Variants in L3MBTL4 observed in about 807,000 individuals in gnomAD.
L3MBTL4 encodes the protein L3MBTL histone methyl-lysine binding protein 4.
Under a neutral mutation model 84.5 loss-of-function variants are expected in L3MBTL4, and 70 were observed. The ratio of observed to expected loss-of-function variants is 0.83; its 90% CI spans 0.68 to 1.01. The LOEUF is 1.01. L3MBTL4 is among the 50% of genes least tolerant of loss of function. The pLI is 0.00. For missense variants in L3MBTL4, 715 were observed against 754.8 expected (o/e 0.95, Z 0.62); for synonymous variants, 274 against 259.8 (o/e 1.05, Z -0.52).
chr18:6,261,862 A>C (rs1033116500), intron 5 of L3MBTL4, among the ~76,000 whole-genome samples: 2 of 152,210 alleles, frequency 1.3e-5, no homozygotes, highest in African/African-American at 4.8e-5. Flanking sequence ...GGAGCTGGAC[A>C]GGGAATCTAG....
At chr18:6,106,718 A>G (rs2059021115) in intron 14 of L3MBTL4, among the ~76,000 whole-genome samples, 1 of 152,220 alleles carries the variant, frequency 6.6e-6, no homozygotes, top group East Asian at 1.9e-4. Flanking sequence ...ACACATACTA[A>G]AGCTGCACCT....
chr18:6,001,387 C>A (rs557116674), intron 16 of L3MBTL4, among the ~76,000 whole-genome samples: 145 of 152,278 alleles, frequency 9.5e-4, no homozygotes, highest in Non-Finnish European at 1.6e-3. Context: ...GCAGTGGGCT[C>A]AGAAATGACC....
intron 4 of L3MBTL4, among the ~76,000 whole-genome samples, chr18:6,267,957 T>G (rs1308059571): frequency 6.6e-6 from 1 of 152,218 alleles, no homozygotes; most frequent in Non-Finnish European, 1.5e-5. Context: ...CCTCTGTTTC[T>G]CACCATGTTG....
At chr18:5,988,104 C>T (rs476015) in intron 16 of L3MBTL4, among the ~76,000 whole-genome samples, 2,558 of 152,254 alleles carry the variant, frequency 0.017, 69 homozygotes, top group African/African-American at 0.058. Context: ...GAAAGAGCTG[C>T]CAGAGATGGC....
chr18:6,060,945 A>G (rs966407600), intron 16 of L3MBTL4, among the ~76,000 whole-genome samples: 3 of 152,140 alleles, frequency 2.0e-5, no homozygotes, highest in Non-Finnish European at 4.4e-5. Context: ...TTTGACAATT[A>G]TAAATAAAGC....
At chr18:6,330,033 G>T (rs2051945288) in intron 1 of L3MBTL4, among the ~76,000 whole-genome samples, 2 of 152,192 alleles carry the variant, frequency 1.3e-5, no homozygotes, top group African/African-American at 4.8e-5. Flanking sequence ...TTGTAGTAGA[G>T]TGTGTAAAAC....
chr18:6,341,141 A>C (rs1262438604), intron 1 of L3MBTL4, among the ~76,000 whole-genome samples: 1 of 152,130 alleles, frequency 6.6e-6, no homozygotes, highest in Non-Finnish European at 1.5e-5. Context: ...TCTCTCTTGA[A>C]GCCAGTCAGT....
At chr18:6,092,272 A>G (rs1187563321) in intron 15 of L3MBTL4, among the ~76,000 whole-genome samples, 2 of 152,228 alleles carry the variant, frequency 1.3e-5, no homozygotes, top group East Asian at 3.8e-4. Context: ...AAAAATCCAC[A>G]GTCCAGGATG....
At chr18:6,082,164 A>G (rs767199928) in intron 15 of L3MBTL4, among the ~76,000 whole-genome samples, 2 of 152,160 alleles carry the variant, frequency 1.3e-5, no homozygotes, top group Non-Finnish European at 2.9e-5. Context: ...GGTTGTTCAG[A>G]GCAACTAGTG....
chr18:6,046,904 A>C (rs910433931), intron 16 of L3MBTL4: 11 of 528,208 alleles, frequency 2.1e-5, no homozygotes, highest in Admixed American at 6.7e-5. Context: ...GACTAAAATC[A>C]GAGCAGAACT....
chr18:5,960,170 T>C lies in L3MBTL4; in HGVS notation c.1615-14A>G. On this transcript the variant is annotated splice_polypyrimidine_tract_variant and intron_variant, in intron 17 of 18. Transcript: ENST00000317931. ...AAACTCAGCCACCTACAGTGCGAGA[T>C]GAAAAGCCTAATTTAATACATGCAC... is the stretch of plus-strand genomic sequence containing the variant. 1 of 1,558,702 alleles carries C rather than the reference T, an allele frequency of 6.4e-7. No individual in the cohort carries two copies. The highest frequency in any genetic ancestry group is 8.8e-7 in the Non-Finnish European group (1 of 1,142,466).
intron 1 of L3MBTL4, among the ~76,000 whole-genome samples, chr18:6,355,721 T>G (rs538743604): frequency 6.6e-6 from 1 of 152,268 alleles, no homozygotes; most frequent in South Asian, 2.1e-4. Context: ...TAAGTCAACC[T>G]CCTGCAATAT....
At chr18:6,246,112 CT>C (rs960849195) in intron 5 of L3MBTL4, among the ~76,000 whole-genome samples, 24 of 152,226 alleles carry the variant, frequency 1.6e-4, no homozygotes, top group African/African-American at 5.5e-4. Context: ...TTTCTGACCC[CT>C]CTCTTATGTT....
At chr18:5,960,039 C>A in intron 18 of L3MBTL4, 55 bp downstream of exon 18, 1 of 302,092 alleles carries the variant, frequency 3.3e-6, no homozygotes, top group Non-Finnish European at 5.5e-6. Context: ...TATATATATA[C>A]ACACACATAT....
At chr18:5,995,455 A>G (rs1054948443) in intron 16 of L3MBTL4, among the ~76,000 whole-genome samples, 1 of 152,206 alleles carries the variant, frequency 6.6e-6, no homozygotes, top group African/African-American at 2.4e-5. Flanking sequence ...CTGATTTATG[A>G]CAATTTCATT....
chr18:6,251,444 G>T (rs891814798), intron 5 of L3MBTL4, among the ~76,000 whole-genome samples: 22 of 152,202 alleles, frequency 1.4e-4, no homozygotes, highest in African/African-American at 4.6e-4. Flanking sequence ...GCCATACATA[G>T]ATGCCTTTTA....
At chr18:6,079,011 G>C (rs2057974362) in intron 16 of L3MBTL4, among the ~76,000 whole-genome samples, 1 of 152,174 alleles carries the variant, frequency 6.6e-6, no homozygotes, top group South Asian at 2.1e-4. Context: ...CAGCTGATCT[G>C]ACAGGAGGCC....
intron 15 of L3MBTL4, among the ~76,000 whole-genome samples, chr18:6,084,483 G>A (rs757854180): frequency 1.3e-5 from 2 of 152,170 alleles, no homozygotes; most frequent in Non-Finnish European, 2.9e-5. Context: ...CTGGGAAGCT[G>A]CTCCCCAAAC....
intron 1 of L3MBTL4, among the ~76,000 whole-genome samples, chr18:6,356,960 C>T (rs1003048737): frequency 3.3e-5 from 5 of 152,172 alleles, no homozygotes; most frequent in African/African-American, 1.2e-4. Flanking sequence ...ACAACACTGC[C>T]ACAGCTGCCC....
Sources: allele counts gnomAD v4.1 joint callset (sites outside exome capture counted in the v4.1 genomes callset), GRCh38; gene constraint gnomAD v4.1.1; transcripts MANE v1.5; gene names NCBI Gene and HGNC (gene_info 2026-07-23, HGNC 2026-07-21).